The following HDAC8 variants were observed in gnomAD, a reference collection of about 807,000 sequenced individuals.
HDAC8 encodes the protein histone deacetylase-like 1.
Under a neutral mutation model 32.2 loss-of-function variants are expected in HDAC8, and 1 was observed. The observed-to-expected ratio is 0.03, with a 90% CI of 0.01 to 0.15. The LOEUF (loss-of-function observed/expected upper bound fraction) is 0.15. Among genes scored for constraint, HDAC8 ranks in the 10% least tolerant of loss-of-function variants. HDAC8 has a pLI of 1.00. For synonymous variants in HDAC8, 108 were observed against 113.9 expected (o/e 0.95, Z 0.33); for missense variants, 117 against 300.0 (o/e 0.39, Z 4.51).
intron 9 of HDAC8, among the ~76,000 whole-genome samples, chrX:72,425,762 C>G (rs1366686839): frequency 1.8e-5 from 2 of 111,625 alleles, no homozygotes; most frequent in African/African-American, 6.5e-5. Context: ...ATTTCCCCCC[C>G]ATCCCCTTAG....
chrX:72,374,720 G>A (rs782171557), intron 9 of HDAC8, among the ~76,000 whole-genome samples: 7 of 109,323 alleles, frequency 6.4e-5, no homozygotes, highest in Admixed American at 1.9e-4. Context: ...TATATGATTT[G>A]CAAATATTTT....
intron 4 of HDAC8, among the ~76,000 whole-genome samples, chrX:72,560,079 G>C: frequency 8.8e-6 from 1 of 113,018 alleles, no homozygotes; most frequent in Non-Finnish European, 1.9e-5. Flanking sequence ...ACAGCTCATT[G>C]AGAACGGGCC....
chrX:72,445,271 G>C (rs2047346757), intron 9 of HDAC8, among the ~76,000 whole-genome samples: 2 of 110,226 alleles, frequency 1.8e-5, no homozygotes, highest in African/African-American at 6.6e-5. Flanking sequence ...CACGCTACCT[G>C]ACTTCAAACT....
At chrX:72,531,815 A>G (rs1314738168) in intron 4 of HDAC8, among the ~76,000 whole-genome samples, 1 of 112,407 alleles carries the variant, frequency 8.9e-6, no homozygotes, top group East Asian at 2.8e-4. Context: ...TCTTTTTATT[A>G]TGAAACAATG....
intron 9 of HDAC8, among the ~76,000 whole-genome samples, chrX:72,424,241 A>G (rs2046568902): frequency 9.0e-6 from 1 of 111,632 alleles, no homozygotes; most frequent in African/African-American, 3.3e-5. Context: ...TTTACCTTTT[A>G]GGATAGCTTT....
chrX:72,467,856 T>C (rs2048063237), intron 7 of HDAC8: 1 of 794,441 alleles, frequency 1.3e-6, no homozygotes, highest in African/African-American at 2.2e-5. Context: ...TAATACAGAG[T>C]GACACACAAG....
intron 4 of HDAC8, among the ~76,000 whole-genome samples, chrX:72,496,633 C>T (rs1483798079): frequency 9.0e-6 from 1 of 110,699 alleles, no homozygotes; most frequent in African/African-American, 3.3e-5. Flanking sequence ...ACCTTCTGAA[C>T]ATCAATAACT....
chrX:72,566,114 T>C (rs1294709103), intron 4 of HDAC8, among the ~76,000 whole-genome samples: 1 of 109,446 alleles, frequency 9.1e-6, no homozygotes, highest in African/African-American at 3.3e-5. Flanking sequence ...ACCACTGCAC[T>C]CCAGCCTTGG....
chrX:72,552,272 G>T (rs1297245458), intron 4 of HDAC8, among the ~76,000 whole-genome samples: 5 of 109,489 alleles, frequency 4.6e-5, no homozygotes, highest in Non-Finnish European at 1.9e-5. Context: ...GACCAGCCTA[G>T]GCAACATAAG....
chrX:72,396,695 G>C (rs1555965682), intron 9 of HDAC8, among the ~76,000 whole-genome samples: 5 of 110,591 alleles, frequency 4.5e-5, no homozygotes, highest in Non-Finnish European at 9.5e-5. Flanking sequence ...ACAGCACAAT[G>C]ACTATGGTTA....
chrX:72,499,112 G>A (rs782356768), intron 4 of HDAC8, among the ~76,000 whole-genome samples: 4 of 111,777 alleles, frequency 3.6e-5, no homozygotes, highest in Non-Finnish European at 5.6e-5. Context: ...GCAGCCTGAA[G>A]CCCTCACCAG....
At chrX:72,343,468 C>T (rs782588205) in intron 10 of HDAC8, among the ~76,000 whole-genome samples, 2 of 109,532 alleles carry the variant, frequency 1.8e-5, no homozygotes, top group Admixed American at 9.8e-5. Context: ...CTACCATGCC[C>T]GGCCGAACTC....
intron 9 of HDAC8, among the ~76,000 whole-genome samples, chrX:72,382,459 C>T (rs1251953211): frequency 8.9e-6 from 1 of 112,200 alleles, no homozygotes; most frequent in Non-Finnish European, 1.9e-5. Context: ...ATGCTGGCTT[C>T]CTTTCAGTTT....
chrX:72,439,573 C>G (rs1460349744), intron 9 of HDAC8, among the ~76,000 whole-genome samples: 4 of 102,843 alleles, frequency 3.9e-5, no homozygotes, highest in African/African-American at 1.5e-4. Flanking sequence ...AGGCCCATCT[C>G]ACGTGCAAAG....
At chrX:72,438,035 G>T in intron 9 of HDAC8, among the ~76,000 whole-genome samples, 1 of 112,349 alleles carries the variant, frequency 8.9e-6, no homozygotes, top group South Asian at 3.7e-4. Context: ...TGACCCCTGT[G>T]CCTCCTGAAT....
chrX:72,557,754 GAAAC>G (rs1210679966), intron 4 of HDAC8, among the ~76,000 whole-genome samples: 1 of 111,135 alleles, frequency 9.0e-6, no homozygotes, highest in Admixed American at 9.6e-5. Flanking sequence ...AAATGAAACT[GAAAC>G]AAACAAACAA....
At chrX:72,474,853 A>G in intron 7 of HDAC8, 1 of 423,240 alleles carries the variant, frequency 2.4e-6, no homozygotes, top group Non-Finnish European at 4.1e-6. Context: ...CACAGCTTCT[A>G]CTGTGTGCCT....
At chrX:72,559,151 C>G (rs1367644794) in intron 4 of HDAC8, among the ~76,000 whole-genome samples, 1 of 98,859 alleles carries the variant, frequency 1.0e-5, no homozygotes, top group East Asian at 3.3e-4. Context: ...GCCACCATCT[C>G]GGCTCACTGC....
rs139770009 is a variant in HDAC8 at position 72,506,784 on chromosome X, C to T, written c.438-11516G>A. On this transcript the variant is annotated intron_variant, in intron 4 of 10. Transcript: ENST00000373573. ...ATGGAAAAGTTCTCTTCCACTGATG[C>T]GTTGGAATCCACTGGACTGGTTACT... 3.3e-3 allele frequency among the ~76,000 whole-genome samples: 365 copies of T among 111,489 alleles called. 1 individual carries two copies. Among genetic ancestry groups the T allele is most frequent in the African/African-American group, 0.011 (351 of 30,691 alleles).
Sources: allele counts gnomAD v4.1 joint callset (sites outside exome capture counted in the v4.1 genomes callset), GRCh38; gene constraint gnomAD v4.1.1; transcripts MANE v1.5; gene names NCBI Gene and HGNC (gene_info 2026-07-23, HGNC 2026-07-21).